Variants in ADGRL3 observed in about 807,000 individuals in gnomAD.
The protein encoded by ADGRL3 is calcium-independent alpha-latrotoxin receptor 3.
In ADGRL3, 62 loss-of-function variants were observed where a neutral mutation model predicts 153.5. The ratio of observed to expected loss-of-function variants is 0.40; its 90% CI spans 0.33 to 0.50. The LOEUF (loss-of-function observed/expected upper bound fraction) is 0.50. Ranked by LOEUF, ADGRL3 falls within the 20% of genes least tolerant of loss-of-function variation. The pLI, the probability that ADGRL3 is intolerant of heterozygous loss-of-function variation, is 0.47. For synonymous variants in ADGRL3, 710 were observed against 672.5 expected, an observed-to-expected ratio of 1.06 and a Z score of -0.86; for missense variants, 1,641 against 1,859.4, an observed-to-expected ratio of 0.88 and a Z score of 2.16.
chr4:61,695,186 A>C (rs886703695), intron 6 of ADGRL3, among the ~76,000 whole-genome samples: 65 of 152,120 alleles, frequency 4.3e-4, no homozygotes, highest in Admixed American at 4.3e-3. Flanking sequence ...CCTTTCCAAA[A>C]GTTTTTAATT....
chr4:61,544,554 GA>G (rs1217551019), intron 4 of ADGRL3, among the ~76,000 whole-genome samples: 2 of 152,014 alleles, frequency 1.3e-5, no homozygotes, highest in East Asian at 3.9e-4. Context: ...GACGTAATCA[GA>G]AAATTCTGTT....
At chr4:61,235,746 G>C (rs1752540925) in intron 1 of ADGRL3, among the ~76,000 whole-genome samples, 1 of 152,170 alleles carries the variant, frequency 6.6e-6, no homozygotes, top group Admixed American at 6.5e-5. Context: ...AAGCCATTAA[G>C]TATTTGAGTT....
In ADGRL3 at chr4:61,250,674, C is replaced by T. The variant is rs146285502; in HGVS notation, c.-240+48909C>T. On this transcript the variant is annotated intron_variant, in intron 1 of 26. Coordinates refer to ENST00000683033, the MANE Select transcript of ADGRL3 (RefSeq NM_001387552.1). Reference sequence around the variant, plus strand: ...TACTTATACATTAGTACATTTTTGACGTGCATGCTTATGTAAGAACTGCAT... The same window carrying T: ...TACTTATACATTAGTACATTTTTGATGTGCATGCTTATGTAAGAACTGCAT... Among the ~76,000 whole-genome samples, 443 of 152,232 alleles carry T rather than the reference C, an allele frequency of 2.9e-3. 5 individuals carry two copies. The highest frequency in any genetic ancestry group is 0.01 in the African/African-American group (421 of 41,536).
At chr4:61,260,274 T>C (rs542134234) in intron 1 of ADGRL3, among the ~76,000 whole-genome samples, 169 of 152,348 alleles carry the variant, frequency 1.1e-3, no homozygotes, top group African/African-American at 2.7e-3. Context: ...TTCATTTTAT[T>C]ATTACCTTTT....
Position 61,507,020 on chromosome 4 carries a change from T to C in ADGRL3, c.55+9672T>C, listed in dbSNP as rs17090491. On this transcript the variant is annotated intron_variant, in intron 3 of 26. Coordinates refer to ENST00000683033, the MANE Select transcript of ADGRL3 (RefSeq NM_001387552.1). ...GATTCTCTCCAAGCTGTTAGAGATATCACAAGAGTAGTAAACATAAACATT... is the reference window on the plus strand; with the variant it reads ...GATTCTCTCCAAGCTGTTAGAGATACCACAAGAGTAGTAAACATAAACATT... Among the ~76,000 whole-genome samples the C allele has an allele frequency of 9.2e-3, 1,396 of 152,306 alleles. 17 individuals carry two copies. Among genetic ancestry groups the C allele is most frequent in the African/African-American group, 0.032 (1,325 of 41,572 alleles).
At chr4:61,931,916 A>G (rs1438373034) in intron 13 of ADGRL3, among the ~76,000 whole-genome samples, 2 of 152,110 alleles carry the variant, frequency 1.3e-5, no homozygotes, top group Admixed American at 6.6e-5. Flanking sequence ...TTTATTTGCC[A>G]TCAGTTCAAA....
chr4:61,234,028 A>G (rs116436146), intron 1 of ADGRL3, among the ~76,000 whole-genome samples: 1 of 152,116 alleles, frequency 6.6e-6, no homozygotes, highest in Non-Finnish European at 1.5e-5. Flanking sequence ...TTTTCAATGT[A>G]GGACATTTCT....
At chr4:61,915,072 ATAT>A (rs2098739053) in intron 13 of ADGRL3, among the ~76,000 whole-genome samples, 1 of 152,034 alleles carries the variant, frequency 6.6e-6, no homozygotes, top group Non-Finnish European at 1.5e-5. Context: ...TTTTGTGAAA[ATAT>A]TATTTAAAAG....
intron 4 of ADGRL3, among the ~76,000 whole-genome samples, chr4:61,535,742 T>C (rs186382287): frequency 1.0e-3 from 158 of 152,208 alleles, no homozygotes; most frequent in African/African-American, 3.6e-3. Flanking sequence ...ATTTTCATAA[T>C]AGTCTTTGAT....
At chr4:61,892,510 G>T (rs1482179055) in intron 9 of ADGRL3, 146 bp from the exon 10 acceptor site, 1 of 623,750 alleles carries the variant, frequency 1.6e-6, no homozygotes, top group African/African-American at 1.9e-5. Flanking sequence ...TTTTTGCCAT[G>T]TTTAAAATGA....
At chr4:61,527,433 A>G in intron 4 of ADGRL3, among the ~76,000 whole-genome samples, 1 of 152,276 alleles carries the variant, frequency 6.6e-6, no homozygotes, top group East Asian at 1.9e-4. Flanking sequence ...CTGAAAAGGT[A>G]CTTGTGTGAA....
At chr4:61,870,599 T>C (rs2098437954) in intron 9 of ADGRL3, among the ~76,000 whole-genome samples, 1 of 112,574 alleles carries the variant, frequency 8.9e-6, no homozygotes, top group South Asian at 3.2e-4. Flanking sequence ...TCCTTACAAC[T>C]CCATAATAAA....
intron 1 of ADGRL3, among the ~76,000 whole-genome samples, chr4:61,337,761 C>T (rs2095710078): frequency 6.6e-6 from 1 of 152,104 alleles, no homozygotes; most frequent in African/African-American, 2.4e-5. Flanking sequence ...TGCTTGCTTC[C>T]TTTAAAGATT....
intron 1 of ADGRL3, among the ~76,000 whole-genome samples, chr4:61,274,007 C>A (rs778138929): frequency 1.3e-5 from 2 of 152,066 alleles, no homozygotes; most frequent in African/African-American, 2.4e-5. Flanking sequence ...TATAATAAAG[C>A]ATGCTAAGGT....
chr4:61,278,965 T>C lies in ADGRL3; in HGVS notation c.-240+77200T>C, dbSNP rs540662417. On this transcript the variant is annotated intron_variant, in intron 1 of 26. Coordinates refer to ENST00000683033, the MANE Select transcript of ADGRL3 (RefSeq NM_001387552.1). ...TGCAGGCATGCCAACGCTTAATTCA[T>C]GTTGAGCAAAACTCCTTTAGTAATA... is the stretch of plus-strand genomic sequence containing the variant. Among the ~76,000 whole-genome samples, 159 of 152,346 alleles carry C rather than the reference T, an allele frequency of 1.0e-3. 1 individual carries two copies. Among genetic ancestry groups the C allele is most frequent in the Admixed American group, 0.01 (158 of 15,298 alleles).
chr4:61,694,182 T>A (rs907969420), intron 6 of ADGRL3, among the ~76,000 whole-genome samples: 807 of 5,316 alleles, frequency 0.15, 12 homozygotes, highest in African/African-American at 0.29. Flanking sequence ...TGTCATTATT[T>A]TTTTTTTTTT....
chr4:61,408,393 A>T (rs1459541723), intron 2 of ADGRL3, among the ~76,000 whole-genome samples: 2 of 148,670 alleles, frequency 1.3e-5, no homozygotes, highest in African/African-American at 4.9e-5. Context: ...TTTGCAGCCC[A>T]TGGGGGTATT....
rs377683219 is a variant in ADGRL3, at chr4:61,365,157, C to G, written c.-239-17967C>G. Reference sequence around the variant, plus strand: ...GCAGATACATACTGCCCAGACATCTCTTTAGCCAAAGTTGGTTCTCTAAAT... The same window carrying G: ...GCAGATACATACTGCCCAGACATCTGTTTAGCCAAAGTTGGTTCTCTAAAT... On this transcript the variant is annotated intron_variant, in intron 1 of 26. Transcript: ENST00000683033. 2.9e-4 allele frequency among the ~76,000 whole-genome samples: 44 copies of G among 151,990 alleles called. No homozygotes were observed. In the South Asian group the frequency reaches 9.1e-3, roughly 32 times the overall value.
chr4:61,527,503 T>A (rs897598929), intron 4 of ADGRL3, among the ~76,000 whole-genome samples: 1 of 152,108 alleles, frequency 6.6e-6, no homozygotes, highest in African/African-American at 2.4e-5. Context: ...TACATATCCA[T>A]AAATTTATAT....
Sources: gnomAD v4.1 joint callset for allele counts (sites outside exome capture counted in the v4.1 genomes callset) on GRCh38, gnomAD v4.1.1 for gene constraint, MANE v1.5 for transcripts, NCBI Gene and HGNC (gene_info 2026-07-23, HGNC 2026-07-21) for gene names.